The following PDE3A variants were observed in gnomAD, a reference collection of about 807,000 sequenced individuals.
PDE3A encodes cGMP-inhibited 3',5'-cyclic phosphodiesterase 3A.
In PDE3A, 43 loss-of-function variants were observed where a neutral mutation model predicts 98.3. The ratio of observed to expected loss-of-function variants is 0.44; its 90% CI spans 0.34 to 0.56. The LOEUF is 0.56. PDE3A is among the 20% of genes least tolerant of loss of function. The pLI, the probability that PDE3A is intolerant of heterozygous loss-of-function variation, is 0.01. For synonymous variants in PDE3A, 663 were observed against 567.9 expected, an observed-to-expected ratio of 1.17 and a Z score of -2.38; for missense variants, 1,427 against 1,440.7, an observed-to-expected ratio of 0.99 and a Z score of 0.15.
intron 2 of PDE3A, among the ~76,000 whole-genome samples, chr12:20,601,321 G>A (rs1231234037): frequency 6.6e-6 from 1 of 152,086 alleles, no homozygotes; most frequent in Non-Finnish European, 1.5e-5. Flanking sequence ...ATCCCAATAG[G>A]CATTAACGTG....
At chr12:20,583,515 T>A (rs1027775115) in intron 2 of PDE3A, among the ~76,000 whole-genome samples, 3 of 152,134 alleles carry the variant, frequency 2.0e-5, no homozygotes, top group Non-Finnish European at 4.4e-5. Context: ...TAGAAGCTAA[T>A]GGTTAAGAGC....
chr12:20,369,558 T>A lies in PDE3A; in HGVS notation c.274T>A (p.Cys92Ser), dbSNP rs1442415494. 1.3e-6 allele frequency: 2 copies of A among 1,557,118 alleles called. No homozygotes were observed. The highest frequency in any genetic ancestry group is 2.4e-5 in the South Asian group (2 of 84,202). ...RGEVGCDLEQ[C>S]KEAAAAEEEE... The stretch of plus-strand genomic sequence containing the variant: ...GGAGGTCGGCTGTGACCTGGAGCAG[T>A]GTAAGGAGGCGGCGGCGGCGGAGGA... Residue 92 changes from cysteine (C) to serine (S), a missense_variant, in exon 1 of 16, where the codon TGT becomes AGT. Physicochemically the swap from Cys to Ser is moderately radical, Grantham distance 112. Transcript: ENST00000359062.
At chr12:20,440,383 C>A (rs1457761814) in intron 1 of PDE3A, among the ~76,000 whole-genome samples, 2 of 152,088 alleles carry the variant, frequency 1.3e-5, no homozygotes, top group African/African-American at 2.4e-5. Context: ...ATATTCAAAG[C>A]CCATTTCAGA....
intron 1 of PDE3A, among the ~76,000 whole-genome samples, chr12:20,398,448 A>T (rs1944060914): frequency 6.6e-6 from 1 of 151,972 alleles, no homozygotes; most frequent in Non-Finnish European, 1.5e-5. Context: ...CCTTGCCAAT[A>T]CTGTTTTGAA....
intron 2 of PDE3A, among the ~76,000 whole-genome samples, chr12:20,595,729 A>G (rs1943451430): frequency 6.6e-6 from 1 of 152,138 alleles, no homozygotes; most frequent in Non-Finnish European, 1.5e-5. Context: ...TGTCTTAATT[A>G]TATATTCTTC....
chr12:20,370,687 A>T (rs1943456578), intron 1 of PDE3A, among the ~76,000 whole-genome samples: 1 of 152,188 alleles, frequency 6.6e-6, no homozygotes, highest in Non-Finnish European at 1.5e-5. Flanking sequence ...TTAAAAAGTA[A>T]AATCTTTTTA....
intron 1 of PDE3A, among the ~76,000 whole-genome samples, chr12:20,543,898 G>A (rs989697024): frequency 1.3e-5 from 2 of 151,802 alleles, no homozygotes; most frequent in African/African-American, 4.8e-5. Context: ...CATACAAATT[G>A]GATGCTATTA....
At chr12:20,616,160 T>A in intron 3 of PDE3A, 70 bp from the exon 4 acceptor site, 1 of 1,362,022 alleles carries the variant, frequency 7.3e-7, no homozygotes, top group Non-Finnish European at 1.0e-6. Context: ...GCTTGTTTCC[T>A]TCTATTATAT....
At chr12:20,669,660 G>A (rs932868967) in intron 15 of PDE3A, among the ~76,000 whole-genome samples, 1 of 151,908 alleles carries the variant, frequency 6.6e-6, no homozygotes, top group Non-Finnish European at 1.5e-5. Flanking sequence ...GAGAGATTTT[G>A]TCACCACCAG....
intron 1 of PDE3A, among the ~76,000 whole-genome samples, chr12:20,376,524 T>G (rs1183925906): frequency 1.3e-5 from 2 of 151,992 alleles, no homozygotes; most frequent in African/African-American, 2.4e-5. Flanking sequence ...GAATTATTCT[T>G]GACTTTGTCA....
chr12:20,514,539 T>C (rs909272801), intron 1 of PDE3A, among the ~76,000 whole-genome samples: 1 of 149,612 alleles, frequency 6.7e-6, no homozygotes, highest in African/African-American at 2.6e-5. Context: ...GTAGAAGTAA[T>C]GTCAGTCCTG....
At chr12:20,562,375 A>G (rs148487387) in intron 2 of PDE3A, among the ~76,000 whole-genome samples, 191 of 152,098 alleles carry the variant, frequency 1.3e-3, no homozygotes, top group Middle Eastern at 3.4e-3. Context: ...GTGCACCACC[A>G]CGCCCAGCTA....
intron 1 of PDE3A, among the ~76,000 whole-genome samples, chr12:20,370,867 T>A (rs190934034): frequency 6.6e-4 from 101 of 152,342 alleles, no homozygotes; most frequent in Admixed American, 4.6e-3. Context: ...TTTAGGGGCA[T>A]ACATTATTAC....
At chr12:20,548,909 A>T (rs1188233165) in intron 1 of PDE3A, among the ~76,000 whole-genome samples, 1 of 152,138 alleles carries the variant, frequency 6.6e-6, no homozygotes, top group Non-Finnish European at 1.5e-5. Context: ...CTTAATTCTG[A>T]AATTCATTGA....
At position 20,445,178 on chromosome 12, in the gene PDE3A, A is replaced by G. The variant is rs530527085; in HGVS notation, c.960+74934A>G. Among the ~76,000 whole-genome samples, 20 of 152,322 alleles carry G rather than the reference A, an allele frequency of 1.3e-4. 1 individual carries two copies. Among genetic ancestry groups the G allele is most frequent in the South Asian group, 1.0e-3 (5 of 4,826 alleles). On this transcript the variant is annotated intron_variant, in intron 1 of 15. Coordinates refer to ENST00000359062, the MANE Select transcript of PDE3A (RefSeq NM_000921.5). The stretch of plus-strand genomic sequence containing the variant: ...GGCTCCATGTTATACTGCTTACAGT[A>G]GAAACAAATGGAAGTCGAGAGGTGA...
intron 1 of PDE3A, among the ~76,000 whole-genome samples, chr12:20,478,927 C>T (rs1037978387): frequency 2.0e-5 from 3 of 152,118 alleles, no homozygotes; most frequent in Non-Finnish European, 4.4e-5. Context: ...TTTTCTCATG[C>T]ATTTTTCTCA....
intron 1 of PDE3A, among the ~76,000 whole-genome samples, chr12:20,406,174 A>G: frequency 6.6e-6 from 1 of 152,186 alleles, no homozygotes; most frequent in Non-Finnish European, 1.5e-5. Flanking sequence ...TGGCTTTGTA[A>G]ATAGTGCTGC....
At chr12:20,677,681 A>C (rs1185605602) in intron 15 of PDE3A, among the ~76,000 whole-genome samples, 2 of 152,118 alleles carry the variant, frequency 1.3e-5, no homozygotes, top group African/African-American at 4.8e-5. Flanking sequence ...GGATGGTCTC[A>C]ATCTCCAGAC....
intron 1 of PDE3A, among the ~76,000 whole-genome samples, chr12:20,450,392 C>G (rs7484431): frequency 0.32 from 49,009 of 152,044 alleles, 8,643 homozygotes; most frequent in Non-Finnish European, 0.39. Context: ...GTAAAAGAGA[C>G]AGTGCCATAT....
Sources: gnomAD v4.1 joint callset for allele counts (sites outside exome capture counted in the v4.1 genomes callset) on GRCh38, gnomAD v4.1.1 for gene constraint, MANE v1.5 for transcripts, NCBI Gene and HGNC (gene_info 2026-07-23, HGNC 2026-07-21) for gene names.